Variants in NIPA2 observed in about 807,000 individuals in gnomAD.
The protein encoded by NIPA2 is magnesium transporter NIPA2.
A neutral mutation model predicts 29.7 loss-of-function variants in NIPA2; 11 were observed. The observed-to-expected ratio is 0.37, with a 90% CI of 0.23 to 0.61. NIPA2 has a LOEUF of 0.61. NIPA2 is among the 20% of genes least tolerant of loss of function. The probability of loss-of-function intolerance (pLI) is 0.66; values close to 1 mark genes in which losing one functional copy is unlikely to be tolerated. For synonymous variants in NIPA2, 183 were observed against 161.9 expected (o/e 1.13, Z -0.99); for missense variants, 426 against 437.9 (o/e 0.97, Z 0.24).
At chr15:22,845,017 G>C (rs1898218177) in intron 2 of NIPA2, 129 bp from the exon 3 acceptor site, 1 of 152,182 alleles carries the variant, frequency 6.6e-6, no homozygotes, top group African/African-American at 2.4e-5. Context: ...AGTAAACTGG[G>C]CAGGTGAACC....
In NIPA2 at chr15:22,851,672, A is replaced by G; in HGVS notation, c.-60A>G. The G allele has an allele frequency of 6.9e-7, 1 of 1,442,908 alleles. No individual in the cohort carries two copies. Among genetic ancestry groups the G allele is most frequent in the South Asian group, 1.3e-5 (1 of 76,730 alleles). The allele number at this position is 1,442,908 out of a possible 1,614,324, so 89.4% of individuals were successfully genotyped here. A position where few individuals can be genotyped will look rare whatever the true frequency, so the allele number is the denominator to read the frequency against. On this transcript the variant is annotated 5_prime_UTR_variant, in exon 4 of 8. Coordinates refer to ENST00000337451, the MANE Select transcript of NIPA2 (RefSeq NM_030922.7). ...ACTGCTTCATTCTGCCTCTAGTACC[A>G]GCGGTTTCTCTGTTCTGTGATCAAT...
At chr15:22,852,647 G>GA (rs946935010) in intron 4 of NIPA2, among the ~76,000 whole-genome samples, 2 of 152,106 alleles carry the variant, frequency 1.3e-5, no homozygotes, top group Non-Finnish European at 2.9e-5. Flanking sequence ...TGTTTCTCTA[G>GA]AAATCACTGA....
intron 2 of NIPA2, among the ~76,000 whole-genome samples, chr15:22,840,683 C>G (rs1408240161): frequency 6.6e-6 from 1 of 152,128 alleles, no homozygotes; most frequent in Non-Finnish European, 1.5e-5. Flanking sequence ...GCATGTGACT[C>G]TTTTTTACCC....
chr15:22,851,083 C>T (rs898093102), intron 3 of NIPA2, among the ~76,000 whole-genome samples: 1 of 152,182 alleles, frequency 6.6e-6, no homozygotes, highest in Non-Finnish European at 1.5e-5. Flanking sequence ...CGGTACCATA[C>T]TGCACGCCCC....
intron 4 of NIPA2, 105 bp downstream of exon 4, chr15:22,851,975 CT>C: frequency 1.0e-6 from 1 of 970,410 alleles, no homozygotes; most frequent in Non-Finnish European, 1.5e-6. Context: ...GTATTTGAAA[CT>C]TTGAATTGTT....
At chr15:22,839,445 G>A (rs1280096541) in intron 1 of NIPA2, among the ~76,000 whole-genome samples, 1 of 152,146 alleles carries the variant, frequency 6.6e-6, no homozygotes, top group East Asian at 1.9e-4. Flanking sequence ...ATAGCCATGT[G>A]CCCGGTTAAT....
intron 5 of NIPA2, among the ~76,000 whole-genome samples, chr15:22,854,230 C>T (rs564303689): frequency 6.8e-4 from 103 of 151,884 alleles, no homozygotes; most frequent in African/African-American, 1.8e-3. Context: ...TGGGTTCAAG[C>T]GATTCTCCTG....
intron 7 of NIPA2, among the ~76,000 whole-genome samples, chr15:22,862,596 A>C (rs1384702156): frequency 6.6e-6 from 1 of 151,530 alleles, no homozygotes; most frequent in African/African-American, 2.4e-5. Context: ...AATTTCTAAG[A>C]GTTTCTTGCC....
chr15:22,847,689 C>T (rs752151605), intron 3 of NIPA2, among the ~76,000 whole-genome samples: 15 of 152,122 alleles, frequency 9.9e-5, no homozygotes, highest in Non-Finnish European at 1.5e-4. Context: ...GTCTCGAAAT[C>T]CTGACCTCGT....
At chr15:22,863,076 AT>A (rs2058732016) in intron 7 of NIPA2, among the ~76,000 whole-genome samples, 1 of 117,568 alleles carries the variant, frequency 8.5e-6, no homozygotes, top group Non-Finnish European at 1.8e-5. Context: ...TAATTTTTGT[AT>A]TTTCTTTGTT....
Position 22,867,376 on chromosome 15 carries a change from T to G in NIPA2, c.*529T>G, listed in dbSNP as rs2059174267. 5.1e-6 allele frequency: 2 copies of G among 391,012 alleles called. No homozygotes were observed. The highest frequency in any genetic ancestry group is 2.1e-5 in the African/African-American group (1 of 48,450). 24.2% of individuals were successfully genotyped at this position (391,012 alleles called of 1,614,324 possible). ...AACTAAGTTACTGAATGAAGGAACC[T>G]CTTTCTTACAAAACAAAAAAAAGGG... On this transcript the variant is annotated 3_prime_UTR_variant, in exon 8 of 8. Coordinates refer to ENST00000337451, the MANE Select transcript of NIPA2 (RefSeq NM_030922.7).
chr15:22,854,403 G>T (rs535321056), intron 5 of NIPA2, among the ~76,000 whole-genome samples: 3 of 151,650 alleles, frequency 2.0e-5, no homozygotes, highest in Non-Finnish European at 4.4e-5. Context: ...GGGATTACAG[G>T]TGTGAGCCAC....
chr15:22,866,155 T>G, intron 7 of NIPA2, 58 bp from the exon 8 acceptor site: 4 of 1,402,962 alleles, frequency 2.9e-6, no homozygotes, highest in Non-Finnish European at 4.0e-6. Flanking sequence ...TGTTTTGCAT[T>G]CTGTGTTTAA....
intron 5 of NIPA2, among the ~76,000 whole-genome samples, chr15:22,857,914 TCTC>T (rs1455766805): frequency 6.6e-6 from 1 of 151,944 alleles, no homozygotes; most frequent in Non-Finnish European, 1.5e-5. Flanking sequence ...GTCGGCTTCT[TCTC>T]AGTGATTTTT....
At chr15:22,857,618 T>A (rs2058283602) in intron 5 of NIPA2, among the ~76,000 whole-genome samples, 1 of 149,788 alleles carries the variant, frequency 6.7e-6, no homozygotes. Context: ...GGGTGGATCA[T>A]TTGAGGTCAG....
intron 7 of NIPA2, 103 bp from the exon 8 acceptor site, chr15:22,866,110 C>A: frequency 3.3e-6 from 3 of 916,406 alleles, no homozygotes; most frequent in Non-Finnish European, 3.3e-6. Context: ...TATTTCCAGG[C>A]CATACCTTTT....
intron 3 of NIPA2, among the ~76,000 whole-genome samples, chr15:22,849,473 G>A (rs537739318): frequency 5.3e-5 from 8 of 152,188 alleles, no homozygotes; most frequent in South Asian, 4.1e-4. Context: ...GAAGGCTTTC[G>A]GGTAGACAGT....
At position 22,858,605 on chromosome 15, in the gene NIPA2, C is replaced by G; in HGVS notation, c.262C>G (p.Leu88Val). 6.2e-7 allele frequency: 1 copy of G among 1,603,410 alleles called. No homozygotes were observed. The highest frequency in any genetic ancestry group is 1.1e-5 in the South Asian group (1 of 89,662). Reference protein sequence around the residue: ...AFAPATLVTPLGALSVLVSAI... With the variant: ...AFAPATLVTPVGALSVLVSAI... Reference sequence around the variant, plus strand: ...TGCACCAGCCACTCTAGTGACTCCACTAGGAGCTCTCAGCGTGCTAGTAAG... The same window carrying G: ...TGCACCAGCCACTCTAGTGACTCCAGTAGGAGCTCTCAGCGTGCTAGTAAG... The change falls in exon 6 of 8, where the codon CTA becomes GTA. Residue 88 changes from leucine to valine, a missense_variant. This residue lies in a region of NIPA2 where 357 missense variants were observed against 339.8 expected (regional missense o/e 1.05). Transcript: ENST00000337451.
chr15:22,866,297 T>C lies in NIPA2; in HGVS notation c.533T>C (p.Ile178Thr), dbSNP rs373769523. The change falls in exon 8 of 8, where the codon ATT (isoleucine) becomes ACT (threonine). Residue 178 changes from isoleucine to threonine, a missense_variant. Coordinates refer to ENST00000337451, the MANE Select transcript of NIPA2 (RefSeq NM_030922.7). Reference sequence around the variant, plus strand: ...GGTCCTCGCCATGGACAGACAAACATTCTTGTGTACATAACAATCTGCTCT... The same window carrying C: ...GGTCCTCGCCATGGACAGACAAACACTCTTGTGTACATAACAATCTGCTCT... ...VVGPRHGQTN[I>T]LVYITICSVI... The C allele has an allele frequency of 1.1e-5, 17 of 1,613,974 alleles. No homozygotes were observed. Among genetic ancestry groups the C allele is most frequent in the Non-Finnish European group, 1.3e-5 (15 of 1,179,870 alleles).
Sources: gnomAD v4.1 joint callset for allele counts (sites outside exome capture counted in the v4.1 genomes callset) on GRCh38, gnomAD v4.1.1 for gene constraint, gnomAD v4.1.1 regional missense constraint, MANE v1.5 for transcripts, NCBI Gene and HGNC (gene_info 2026-07-23, HGNC 2026-07-21) for gene names.